The following ZNF8 variants were observed in gnomAD, a reference collection of about 807,000 sequenced individuals.
ZNF8 encodes zinc finger protein 8.
A neutral mutation model predicts 12.2 loss-of-function variants in ZNF8; 9 were observed. That is an observed-to-expected ratio of 0.73 (90% CI 0.44 to 1.28). The LOEUF (loss-of-function observed/expected upper bound fraction) is 1.28. Ranked by LOEUF, ZNF8 falls within the 50% of genes most tolerant of loss-of-function variation. ZNF8 has a pLI of 0.00. For missense variants in ZNF8, 664 were observed against 729.1 expected (o/e 0.91, Z 1.03); for synonymous variants, 274 against 282.3 (o/e 0.97, Z 0.30).
At chr19:58,282,856 G>A (rs1200079502) in intron 1 of ZNF8, among the ~76,000 whole-genome samples, 1 of 152,154 alleles carries the variant, frequency 6.6e-6, no homozygotes, top group Admixed American at 6.6e-5. Flanking sequence ...ACGAACTCCT[G>A]AGCTCAGGCA....
Position 58,295,825 on chromosome 19 carries a change from C to T in ZNF8, c.*289C>T, listed in dbSNP as rs1038095958. The T allele has an allele frequency of 5.8e-6, 2 of 342,086 alleles. No homozygotes were observed. Among genetic ancestry groups the T allele is most frequent in the Admixed American group, 8.8e-5 (2 of 22,724 alleles). 21.2% of individuals were successfully genotyped at this position (342,086 alleles called of 1,614,324 possible). ...GTCAAAAAAAATCAATATGCGGCCC[C>T]ATTTTGTAAAGGATCATTAAAATGA... On this transcript the variant is annotated 3_prime_UTR_variant, in exon 4 of 4. Transcript: ENST00000621650.
rs2051480136 is a variant in ZNF8, at chr19:58,299,728, C to T, written c.*4192C>T. On this transcript the variant is annotated 3_prime_UTR_variant, in exon 4 of 4. Transcript: ENST00000621650. Reference sequence around the variant, plus strand: ...AGCTTGCAGTGAGCTGAGATAGTGCCTCTGCACTCCAGCCTGGGTGACAGA... The same window carrying T: ...AGCTTGCAGTGAGCTGAGATAGTGCTTCTGCACTCCAGCCTGGGTGACAGA... The T allele has an allele frequency of 6.6e-6, 1 of 152,108 alleles. No individual in the cohort carries two copies. Among genetic ancestry groups the T allele is most frequent in the East Asian group, 2.0e-4 (1 of 5,114 alleles). The allele number at this position is 152,108 out of a possible 1,614,324, so 9.4% of individuals were successfully genotyped here.
Position 58,279,147 on chromosome 19 carries a change from G to A in ZNF8, c.66G>A (p.Gln22=). The change falls in exon 1 of 4, where the codon CAG becomes CAA. Residue 22 remains glutamine (Q), a splice_region_variant and synonymous_variant. Coordinates refer to ENST00000621650, the MANE Select transcript of ZNF8 (RefSeq NM_021089.3). ...TGGGGCCGCCGGCGGCCCGGCTTCA[G>A]GTAACAATAACAACAATAACGACGG... ...MSVGPPAARL[Q]EPVTFRDVAV... 6 of 1,563,930 alleles carry A rather than the reference G, an allele frequency of 3.8e-6. No individual in the cohort carries two copies. Among genetic ancestry groups the A allele is most frequent in the Non-Finnish European group, 5.2e-6 (6 of 1,154,648 alleles).
chr19:58,292,701 CA>C (rs201067942), intron 3 of ZNF8, among the ~76,000 whole-genome samples: 1,683 of 152,328 alleles, frequency 0.011, 18 homozygotes, highest in Non-Finnish European at 0.017. Flanking sequence ...TGGCTTCTTT[CA>C]CTCAGCAGAA....
intron 3 of ZNF8, among the ~76,000 whole-genome samples, chr19:58,292,197 T>C (rs2051423681): frequency 3.3e-5 from 5 of 152,126 alleles, no homozygotes; most frequent in Admixed American, 3.3e-4. Flanking sequence ...ACTATCTAAC[T>C]CCAGAACATT....
chr19:58,293,065 T>C (rs2147960225), intron 3 of ZNF8, among the ~76,000 whole-genome samples: 1 of 152,124 alleles, frequency 6.6e-6, no homozygotes, highest in South Asian at 2.1e-4. Context: ...TCTCATGCCT[T>C]AGGCTCCTGA....
chr19:58,294,550 A>T lies in ZNF8; in HGVS notation c.742A>T (p.Thr248Ser). 6.2e-7 allele frequency: 1 copy of T among 1,614,190 alleles called. No individual in the cohort carries two copies. Among genetic ancestry groups the T allele is most frequent in the Non-Finnish European group, 8.5e-7 (1 of 1,180,032 alleles). ...TCAGGCCATTCCAATTACGGAACTC[A>T]CAAAAAGCCAGGTGCAGGACAAACC... ...SSQAIPITEL[T>S]KSQVQDKPYK... Residue 248 changes from threonine to serine, a missense_variant, in exon 4 of 4, where the codon ACA (threonine) becomes TCA (serine). Physicochemically the swap from Thr to Ser is moderately conservative, Grantham distance 58 (BLOSUM62 1). Around this residue, in one of 3 missense-constraint regions of ZNF8, gnomAD observed 306 missense variants for 308.7 expected, o/e 0.99. Transcript: ENST00000621650. The surrounding 1 kb of genome is among the most constrained non-coding windows in gnomAD (Gnocchi z 5.5).
At chr19:58,288,935 C>G (rs779897401) in intron 3 of ZNF8, among the ~76,000 whole-genome samples, 4 of 151,946 alleles carry the variant, frequency 2.6e-5, no homozygotes, top group African/African-American at 4.9e-5. Context: ...CTGTCACTCA[C>G]AAGTCTTATG....
At position 58,279,036 on chromosome 19, in the gene ZNF8, G is replaced by A. The variant is rs997364834; in HGVS notation, c.-46G>A. On this transcript the variant is annotated 5_prime_UTR_variant, in exon 1 of 4. Transcript: ENST00000621650. ...GTCCCTTTGGCTGGAGTGCCTCTCT[G>A]GTCTGGGGATCACCTCAGGCGCTGT... is the stretch of plus-strand genomic sequence containing the variant. 2.9e-6 allele frequency: 4 copies of A among 1,391,648 alleles called. No individual in the cohort carries two copies. The African/African-American group carries it at 4.4e-5, about 15-fold the overall frequency. The allele number at this position is 1,391,648 out of a possible 1,614,324, so 86.2% of individuals were successfully genotyped here. A position where few individuals can be genotyped will look rare whatever the true frequency, so the allele number is the denominator to read the frequency against.
intron 3 of ZNF8, among the ~76,000 whole-genome samples, chr19:58,288,795 TATGACCTATC>T (rs1244350779): frequency 6.6e-6 from 1 of 152,174 alleles, no homozygotes; most frequent in Non-Finnish European, 1.5e-5. Context: ...CATGATAGCG[TATGACCTATC>T]AACTGGGAGT....
intron 3 of ZNF8, among the ~76,000 whole-genome samples, chr19:58,290,108 CTTTTTT>C (rs773199651): frequency 5.4e-5 from 4 of 73,424 alleles, no homozygotes; most frequent in Non-Finnish European, 2.4e-5. Context: ...TTTCAAGATT[CTTTTTT>C]TTTTTTTTTT....
rs3745137 is a variant in ZNF8 at position 58,294,417 on chromosome 19, C to G, written c.609C>G (p.Tyr203Ter). Residue 203 changes from tyrosine (Y) to a stop codon, truncating the protein, a stop_gained, in exon 4 of 4, where the codon TAC (tyrosine) becomes TAG (stop). Coordinates refer to ENST00000621650, the MANE Select transcript of ZNF8 (RefSeq NM_021089.3). LOFTEE classifies it low-confidence loss of function (END_TRUNC). The surrounding 1 kb of genome is among the most constrained non-coding windows in gnomAD (Gnocchi z 5.5). Reference protein sequence around the residue: ...EISRGEYLYTYDSQITDSEHN... With the variant: ...EISRGEYLYT ...CTAGAGGGGAGTATTTGTATACTTACGACTCACAGATTACAGACTCAGAAC... is the reference window on the plus strand; with the variant it reads ...CTAGAGGGGAGTATTTGTATACTTAGGACTCACAGATTACAGACTCAGAAC... The G allele has an allele frequency of 6.2e-7, 1 of 1,614,046 alleles. No homozygotes were observed.
rs775554445 is a variant in ZNF8, at chr19:58,298,873, T to G, written c.*3337T>G. ...CTTTTTTTTTTTTGTGATGGAGACT[T>G]GCTCTGTCACGTGGTTCACTGCAAC... is the stretch of plus-strand genomic sequence containing the variant. On this transcript the variant is annotated 3_prime_UTR_variant, in exon 4 of 4. Transcript: ENST00000621650. The G allele has an allele frequency of 6.6e-6, 1 of 151,550 alleles. No homozygotes were observed. The allele number at this position is 151,550 out of a possible 1,614,324, so 9.4% of individuals were successfully genotyped here.
intron 3 of ZNF8, among the ~76,000 whole-genome samples, chr19:58,292,580 C>G (rs1274633282): frequency 6.6e-6 from 1 of 152,194 alleles, no homozygotes; most frequent in Admixed American, 6.5e-5. Context: ...AGCAGTCACT[C>G]TCCGTCTTTC....
intron 3 of ZNF8, among the ~76,000 whole-genome samples, chr19:58,289,755 T>C (rs1199193114): frequency 6.6e-5 from 10 of 151,840 alleles, no homozygotes; most frequent in African/African-American, 1.9e-4. Flanking sequence ...CTATATGGAC[T>C]CTTTGGTCAG....
At chr19:58,282,247 A>G (rs572233291) in intron 1 of ZNF8, among the ~76,000 whole-genome samples, 4 of 152,308 alleles carry the variant, frequency 2.6e-5, no homozygotes, top group Non-Finnish European at 4.4e-5. Flanking sequence ...ACATCTTTTC[A>G]TGTACTTATT....
In ZNF8 at chr19:58,301,358, C is replaced by T. The variant is rs1275377838; in HGVS notation, c.*5822C>T. On this transcript the variant is annotated 3_prime_UTR_variant, in exon 4 of 4. Coordinates refer to ENST00000621650, the MANE Select transcript of ZNF8 (RefSeq NM_021089.3). ...ACATTTCGGATTTGCTTACTTCATC[C>T]CCACTGCCACCAACAGTGCAGGATG... The T allele has an allele frequency of 6.6e-6, 1 of 152,222 alleles. No homozygotes were observed. Among genetic ancestry groups the T allele is most frequent in the African/African-American group, 2.4e-5 (1 of 41,434 alleles). The allele number at this position is 152,222 out of a possible 1,614,324, so 9.4% of individuals were successfully genotyped here. A position where few individuals can be genotyped will look rare whatever the true frequency, so the allele number is the denominator to read the frequency against.
At chr19:58,279,856 A>C (rs1386563384) in intron 1 of ZNF8, 4 of 1,300,976 alleles carry the variant, frequency 3.1e-6, no homozygotes, top group Non-Finnish European at 3.0e-6. Flanking sequence ...TCCTTCCTCA[A>C]GCTCTGCAAC....
At chr19:58,279,182 C>A in intron 1 of ZNF8, 35 bp downstream of exon 1, 1 of 1,544,786 alleles carries the variant, frequency 6.5e-7, no homozygotes. Context: ...GCGGCGGGCT[C>A]CGGGCAAGCG....
Sources: gnomAD v4.1 joint callset for allele counts (sites outside exome capture counted in the v4.1 genomes callset) on GRCh38, gnomAD v4.1.1 for gene constraint, gnomAD v4.1.1 regional missense constraint, Gnocchi (gnomAD v3.1) non-coding constraint, MANE v1.5 for transcripts, NCBI Gene and HGNC (gene_info 2026-07-23, HGNC 2026-07-21) for gene names.